GTF2A1L: variants seen among roughly 807,000 people sequenced by gnomAD.
The protein encoded by GTF2A1L is TFIIA-alpha and beta-like factor.
In GTF2A1L, 48 loss-of-function variants were observed where a neutral mutation model predicts 49.7. The observed-to-expected ratio is 0.97, with a 90% CI of 0.77 to 1.23. GTF2A1L has a LOEUF of 1.23. GTF2A1L is among the 50% of genes most tolerant of loss of function. GTF2A1L has a pLI of 0.00. For synonymous variants in GTF2A1L, 246 were observed against 193.5 expected (o/e 1.27, Z -2.25); for missense variants, 736 against 564.8 (o/e 1.30, Z -3.07).
intron 3 of GTF2A1L, among the ~76,000 whole-genome samples, chr2:48,641,211 T>G (rs963312966): frequency 7.9e-5 from 12 of 152,226 alleles, no homozygotes; most frequent in African/African-American, 2.9e-4. Context: ...TAATGAAGAC[T>G]AATACCACTG....
At chr2:48,640,561 A>C (rs1677145641) in intron 3 of GTF2A1L, among the ~76,000 whole-genome samples, 1 of 152,172 alleles carries the variant, frequency 6.6e-6, no homozygotes, top group South Asian at 2.1e-4. Flanking sequence ...GAGGAGTAGA[A>C]AAGATAACTA....
intron 8 of GTF2A1L, among the ~76,000 whole-genome samples, chr2:48,672,791 T>C (rs1679243755): frequency 6.6e-6 from 1 of 152,250 alleles, no homozygotes; most frequent in African/African-American, 2.4e-5. Flanking sequence ...ATGAACATAG[T>C]ATACAATTCG....
intron 4 of GTF2A1L, 132 bp from the exon 5 acceptor site, chr2:48,644,901 C>T (rs1035222437): frequency 1.4e-6 from 1 of 696,576 alleles, no homozygotes; most frequent in African/African-American, 1.8e-5. Context: ...AGAACTCAGC[C>T]CTAATATTAA....
rs1324253422 is a variant in GTF2A1L at position 48,669,767 on chromosome 2, G to A, written c.1024G>A (p.Asp342Asn). ...TTTAAGCATTCGGGTTACTGATGAT[G>A]ATATTGGTGAAATAATTCAAGTAGA... ...VDLSIRVTDDDIGEIIQVDGS... is the reference protein window; with the variant it reads ...VDLSIRVTDDNIGEIIQVDGS... Residue 342 changes from aspartate (D) to asparagine (N), a missense_variant, in exon 7 of 9, where the codon GAT (aspartate) becomes AAT (asparagine). By Grantham distance (23) the Asp-to-Asn change is conservative. Transcript: ENST00000403751. 1.9e-6 allele frequency: 3 copies of A among 1,613,874 alleles called. No individual in the cohort carries two copies. Among genetic ancestry groups the A allele is most frequent in the Non-Finnish European group, 2.5e-6 (3 of 1,179,922 alleles).
At chr2:48,622,008 C>T (rs1050674215) in intron 3 of GTF2A1L, among the ~76,000 whole-genome samples, 3 of 152,096 alleles carry the variant, frequency 2.0e-5, no homozygotes, top group Admixed American at 6.6e-5. Flanking sequence ...AATGTATACT[C>T]GCATACAAAC....
Position 48,669,906 on chromosome 2 carries a change from C to A in GTF2A1L, c.1163C>A (p.Ala388Asp), listed in dbSNP as rs146639510. Residue 388 changes from alanine (A) to aspartate (D), a missense_variant, in exon 7 of 9, where the codon GCT becomes GAT. Coordinates refer to ENST00000403751, the MANE Select transcript of GTF2A1L (RefSeq NM_006872.5). ...GGDLKVPEEE[A>D]DSISNEDSAT... ...GATCTGAAGGTACCTGAAGAAGAAG[C>A]TGACAGTATTTCAAATGAGGATTCA... 224 of 1,614,008 alleles carry A rather than the reference C, an allele frequency of 1.4e-4. 1 individual carries two copies. In the South Asian group the frequency reaches 2.3e-3, roughly 17 times the overall value.
In GTF2A1L at chr2:48,617,859, T is replaced by C; in HGVS notation, c.-16T>C. 6.4e-7 allele frequency: 1 copy of C among 1,551,706 alleles called. No homozygotes were observed. Among genetic ancestry groups the C allele is most frequent in the Admixed American group, 2.0e-5 (1 of 51,002 alleles). On this transcript the variant is annotated 5_prime_UTR_variant, in exon 1 of 9. Transcript: ENST00000403751. ...TGCCGCGCAGGCGCAAAGGGCCAGGTGCTGGAGGTGCTGTCATGGCCTGCC... is the reference window on the plus strand; with the variant it reads ...TGCCGCGCAGGCGCAAAGGGCCAGGCGCTGGAGGTGCTGTCATGGCCTGCC...
At chr2:48,634,868 G>A (rs1483967202) in intron 3 of GTF2A1L, among the ~76,000 whole-genome samples, 1 of 152,188 alleles carries the variant, frequency 6.6e-6, no homozygotes, top group Admixed American at 6.5e-5. Context: ...TGGGAGGGCA[G>A]GGGCCATGAA....
chr2:48,669,618 C>A, intron 6 of GTF2A1L, 104 bp from the exon 7 acceptor site: 1 of 1,410,538 alleles, frequency 7.1e-7, no homozygotes, highest in Non-Finnish European at 9.4e-7. Flanking sequence ...GAGAAGTTTG[C>A]TTGAACTGAC....
At chr2:48,661,585 G>C (rs989009311) in intron 6 of GTF2A1L, among the ~76,000 whole-genome samples, 1 of 151,882 alleles carries the variant, frequency 6.6e-6, no homozygotes, top group Admixed American at 6.6e-5. Flanking sequence ...CTGATGTTTG[G>C]TGCACATGTA....
rs578237368 is a variant in GTF2A1L at position 48,642,577 on chromosome 2, G to T, written c.303+120G>T. 7 of 940,174 alleles carry T rather than the reference G, an allele frequency of 7.4e-6. No individual in the cohort carries two copies. In the East Asian group the frequency reaches 2.1e-4, roughly 29 times the overall value. 58.2% of individuals were successfully genotyped at this position (940,174 alleles called of 1,614,324 possible). On this transcript the variant is annotated intron_variant, in intron 4 of 8. Coordinates refer to ENST00000403751, the MANE Select transcript of GTF2A1L (RefSeq NM_006872.5). ...CAGTTGAAAGTGAAAAGATGTGGCC[G>T]GGCGCGGTGGCTCACGCCTGTAATT...
intron 6 of GTF2A1L, among the ~76,000 whole-genome samples, chr2:48,661,120 A>G (rs1241860388): frequency 6.6e-6 from 1 of 150,956 alleles, no homozygotes; most frequent in Non-Finnish European, 1.5e-5. Context: ...TGCTAGCTTT[A>G]GTTTTGATTT....
intron 3 of GTF2A1L, among the ~76,000 whole-genome samples, chr2:48,631,628 G>A (rs1676582893): frequency 1.3e-5 from 2 of 151,870 alleles, no homozygotes; most frequent in South Asian, 4.2e-4. Context: ...GAAAATCATT[G>A]ATTCTTTGTA....
Position 48,663,637 on chromosome 2 carries a change from A to T in GTF2A1L, c.979-6085A>T, listed in dbSNP as rs183606267. On this transcript the variant is annotated intron_variant, in intron 6 of 8. Coordinates refer to ENST00000403751, the MANE Select transcript of GTF2A1L (RefSeq NM_006872.5). ...AATGCTATATAATAAACATTTAAAA[A>T]TTTTTTTTATTTTTATATTTTGAGA... is the stretch of plus-strand genomic sequence containing the variant. Among the ~76,000 whole-genome samples the T allele has an allele frequency of 2.7e-3, 404 of 152,128 alleles. 4 individuals carry two copies. The highest frequency in any genetic ancestry group is 7.5e-3 in the South Asian group (36 of 4,822).
chr2:48,633,628 A>C (rs912077260), intron 3 of GTF2A1L, among the ~76,000 whole-genome samples: 2 of 152,292 alleles, frequency 1.3e-5, no homozygotes, highest in Non-Finnish European at 2.9e-5. Context: ...CAATGGGTGG[A>C]GTATTCTGTA....
chr2:48,620,576 G>A (rs1038223266), intron 1 of GTF2A1L, among the ~76,000 whole-genome samples: 7 of 151,980 alleles, frequency 4.6e-5, no homozygotes, highest in African/African-American at 1.2e-4. Flanking sequence ...CCAGGAGTTC[G>A]AGACCAGCCT....
chr2:48,646,876 C>G lies in GTF2A1L; in HGVS notation c.812C>G (p.Ala271Gly), dbSNP rs773896542. The G allele has an allele frequency of 2.2e-5, 35 of 1,614,084 alleles. No individual in the cohort carries two copies. The highest frequency in any genetic ancestry group is 2.9e-5 in the Non-Finnish European group (34 of 1,180,024). ...GTGCTCAGTGGTTCAGCTAGCATGG[C>G]TCAAAATCTGCATGATGAGTCCCTC... ...ESVLSGSASMAQNLHDESLST... is the reference protein window; with the variant it reads ...ESVLSGSASMGQNLHDESLST... The change falls in exon 6 of 9, where the codon GCT becomes GGT. Residue 271 changes from alanine to glycine, a missense_variant. Coordinates refer to ENST00000403751, the MANE Select transcript of GTF2A1L (RefSeq NM_006872.5).
intron 6 of GTF2A1L, among the ~76,000 whole-genome samples, chr2:48,655,694 CTATT>C (rs1016321559): frequency 3.3e-5 from 5 of 152,056 alleles, no homozygotes; most frequent in Admixed American, 2.6e-4. Flanking sequence ...ATAAAATTAA[CTATT>C]TATTTTATTT....
chr2:48,678,756 A>T (rs1679604850), intron 8 of GTF2A1L, among the ~76,000 whole-genome samples: 1 of 152,054 alleles, frequency 6.6e-6, no homozygotes, highest in African/African-American at 2.4e-5. Flanking sequence ...CTCATGATGA[A>T]GTATCACTTT....
Sources: allele counts gnomAD v4.1 joint callset (sites outside exome capture counted in the v4.1 genomes callset), GRCh38; gene constraint gnomAD v4.1.1; transcripts MANE v1.5; gene names NCBI Gene and HGNC (gene_info 2026-07-23, HGNC 2026-07-21).